Variants in CPNE2 observed in about 807,000 individuals in gnomAD.
CPNE2 encodes copine-2.
A neutral mutation model predicts 69.7 loss-of-function variants in CPNE2; 42 were observed. That is an observed-to-expected ratio of 0.60 (90% CI 0.47 to 0.78). The LOEUF (loss-of-function observed/expected upper bound fraction) is 0.78, where lower values mean the gene tolerates loss of function less well. CPNE2 is among the 30% of genes least tolerant of loss of function. The pLI is 0.00. For synonymous variants in CPNE2, 294 were observed against 289.8 expected, an observed-to-expected ratio of 1.01 and a Z score of -0.15; for missense variants, 587 against 732.0, an observed-to-expected ratio of 0.80 and a Z score of 2.29.
rs1359974021 is a variant in CPNE2, at chr16:57,130,733, G to A, written c.1116+2830G>A. ...ATCCGTTTCACTGACCATGGCTGGG[G>A]CCATTATGGCAGAGACAAGATGGGG... On this transcript the variant is annotated intron_variant, in intron 12 of 15. Transcript: ENST00000290776. This position sits in a 1 kb window ranked among gnomAD's most constrained non-coding sequence, Gnocchi z 4.1. Among the ~76,000 whole-genome samples the A allele has an allele frequency of 6.6e-6, 1 of 152,088 alleles. No individual in the cohort carries two copies. The highest frequency in any genetic ancestry group is 1.9e-4 in the East Asian group (1 of 5,148).
intron 14 of CPNE2, among the ~76,000 whole-genome samples, chr16:57,140,572 A>AT (rs1242119816): frequency 1.7e-4 from 25 of 145,252 alleles, no homozygotes; most frequent in Admixed American, 1.5e-3. Flanking sequence ...TGGGAGGGAT[A>AT]TTTTTTTTTT....
chr16:57,138,773 C>G (rs532892806), intron 14 of CPNE2, among the ~76,000 whole-genome samples: 3 of 152,348 alleles, frequency 2.0e-5, no homozygotes, highest in Admixed American at 6.5e-5. Flanking sequence ...TGTGCAGGCT[C>G]ATCGTGCTCT....
chr16:57,125,414 G>A (rs773182496), intron 10 of CPNE2: 1 of 452,928 alleles, frequency 2.2e-6, no homozygotes, highest in Non-Finnish European at 4.5e-6. Flanking sequence ...GGCTTGGGTT[G>A]GGGGTGAGGT....
intron 5 of CPNE2, among the ~76,000 whole-genome samples, chr16:57,118,770 A>G (rs2069739614): frequency 6.6e-6 from 1 of 152,190 alleles, no homozygotes; most frequent in Non-Finnish European, 1.5e-5. Context: ...AAAGGCCATG[A>G]TATTCCTTAT....
Position 57,121,211 on chromosome 16 carries a change from T to C in CPNE2, c.780+20T>C. The C allele has an allele frequency of 6.2e-7, 1 of 1,606,382 alleles. No homozygotes were observed. The highest frequency in any genetic ancestry group is 1.1e-5 in the South Asian group (1 of 90,452). On this transcript the variant is annotated intron_variant, in intron 8 of 15. Coordinates refer to ENST00000290776, the MANE Select transcript of CPNE2 (RefSeq NM_152727.6). ...GTCCCGGTGAGATGGGCACGTGTACTGTAACCCCAAGACCTCAGCAGGGCT... is the reference window on the plus strand; with the variant it reads ...GTCCCGGTGAGATGGGCACGTGTACCGTAACCCCAAGACCTCAGCAGGGCT...
At chr16:57,105,553 A>G (rs1597491048) in intron 1 of CPNE2, among the ~76,000 whole-genome samples, 2 of 151,918 alleles carry the variant, frequency 1.3e-5, no homozygotes, top group Non-Finnish European at 2.9e-5. Context: ...CTTCCACCTC[A>G]GCCTCCCAAA....
At chr16:57,120,521 A>G (rs1028420809) in intron 7 of CPNE2, among the ~76,000 whole-genome samples, 2 of 152,302 alleles carry the variant, frequency 1.3e-5, no homozygotes, top group Non-Finnish European at 2.9e-5. Context: ...GTCTGAGAGC[A>G]GATGGGACTG....
intron 6 of CPNE2, 48 bp from the exon 7 acceptor site, chr16:57,119,513 C>G (rs1368773331): frequency 6.6e-7 from 1 of 1,515,388 alleles, no homozygotes; most frequent in African/African-American, 1.4e-5. Flanking sequence ...AACCCCAGAG[C>G]ACTGCTGCCC....
intron 5 of CPNE2, among the ~76,000 whole-genome samples, chr16:57,118,119 C>T (rs1311696936): frequency 2.6e-5 from 4 of 152,024 alleles, no homozygotes; most frequent in Non-Finnish European, 5.9e-5. Context: ...TTTCCCACCC[C>T]CTCCTTCTCG....
intron 3 of CPNE2, 53 bp downstream of exon 3, chr16:57,113,520 T>G (rs1270184980): frequency 6.4e-7 from 1 of 1,554,382 alleles, no homozygotes; most frequent in African/African-American, 1.4e-5. Context: ...GGGCAACCCC[T>G]CAAAAAGTCT....
intron 12 of CPNE2, among the ~76,000 whole-genome samples, 161 bp downstream of exon 12, chr16:57,128,064 C>T (rs2069812965): frequency 1.3e-5 from 2 of 152,124 alleles, no homozygotes; most frequent in African/African-American, 4.8e-5. Flanking sequence ...GATCCTTGGG[C>T]AGGCACTGAG....
chr16:57,125,706 C>A, intron 10 of CPNE2, 154 bp from the exon 11 acceptor site: 2 of 875,966 alleles, frequency 2.3e-6, no homozygotes, highest in Non-Finnish European at 3.4e-6. Flanking sequence ...GTGATACAAT[C>A]AGAGCATTTC....
chr16:57,132,317 G>C (rs79401427), intron 12 of CPNE2, among the ~76,000 whole-genome samples: 6,369 of 152,272 alleles, frequency 0.042, 259 homozygotes, highest in South Asian at 0.14. Context: ...CCTTCAACGT[G>C]AGCAGAGTTA....
Position 57,146,517 on chromosome 16 carries a change from T to G in CPNE2, c.1539+196T>G. ...CCCGGTGGTGGCCATTGTGATAGTG[T>G]GAGCACTTGCTTCCACAAACTGATG... On this transcript the variant is annotated intron_variant, in intron 15 of 15. Coordinates refer to ENST00000290776, the MANE Select transcript of CPNE2 (RefSeq NM_152727.6). The surrounding 1 kb of genome is among the most constrained non-coding windows in gnomAD (Gnocchi z 4.4). The G allele has an allele frequency of 1.7e-6, 1 of 585,344 alleles. No individual in the cohort carries two copies. Among genetic ancestry groups the G allele is most frequent in the Non-Finnish European group, 3.0e-6 (1 of 329,926 alleles). The allele number at this position is 585,344 out of a possible 1,614,324, so 36.3% of individuals were successfully genotyped here.
chr16:57,097,489 T>C (rs1461899780), intron 1 of CPNE2, among the ~76,000 whole-genome samples: 2 of 152,224 alleles, frequency 1.3e-5, no homozygotes, highest in African/African-American at 2.4e-5. Context: ...CCCTCTTCAG[T>C]GTACCAGCTT....
rs1157661659 is a variant in CPNE2, at chr16:57,146,034, G to T, written c.1303-51G>T. On this transcript the variant is annotated intron_variant, in intron 14 of 15. Coordinates refer to ENST00000290776, the MANE Select transcript of CPNE2 (RefSeq NM_152727.6). This position sits in a 1 kb window ranked among gnomAD's most constrained non-coding sequence, Gnocchi z 4.4. The stretch of plus-strand genomic sequence containing the variant: ...TGGGATGAAGGAGGGAGGGAGAAGG[G>T]GTGCCAGAGCCTCGACCTTGCTGAG... 2 of 1,469,072 alleles carry T rather than the reference G, an allele frequency of 1.4e-6. No individual in the cohort carries two copies. Among genetic ancestry groups the T allele is most frequent in the Non-Finnish European group, 1.9e-6 (2 of 1,062,096 alleles). The allele number at this position is 1,469,072 out of a possible 1,614,324, so 91.0% of individuals were successfully genotyped here.
At chr16:57,113,115 CTG>C in intron 2 of CPNE2, 171 bp from the exon 3 acceptor site, 1 of 624,882 alleles carries the variant, frequency 1.6e-6, no homozygotes, top group Non-Finnish European at 2.8e-6. Context: ...CTTAACCTCT[CTG>C]TGCTTCAGTG....
At chr16:57,144,990 C>T (rs2069946962) in intron 14 of CPNE2, 1 of 152,126 alleles carries the variant, frequency 6.6e-6, no homozygotes, top group Non-Finnish European at 1.5e-5. Context: ...GGCCCTCACC[C>T]TCAGATGGTC....
chr16:57,118,691 T>TGGAG (rs1567668550), intron 5 of CPNE2, among the ~76,000 whole-genome samples: 1 of 149,712 alleles, frequency 6.7e-6, no homozygotes, highest in Non-Finnish European at 1.5e-5. Context: ...GATGGATGGA[T>TGGAG]AGATAGATAG....
Sources: allele counts gnomAD v4.1 joint callset (sites outside exome capture counted in the v4.1 genomes callset), GRCh38; gene constraint gnomAD v4.1.1; non-coding constraint Gnocchi (gnomAD v3.1); transcripts MANE v1.5; gene names NCBI Gene and HGNC (gene_info 2026-07-23, HGNC 2026-07-21).